The following CADM4 variants were observed in gnomAD, a reference collection of about 807,000 sequenced individuals.
The protein encoded by CADM4 is TSLC1-like 2.
In CADM4, 13 loss-of-function variants were observed where a neutral mutation model predicts 43.9. The ratio of observed to expected loss-of-function variants is 0.30; its 90% confidence interval spans 0.19 to 0.47. The LOEUF is 0.47. Among genes scored for constraint, CADM4 ranks in the 20% least tolerant of loss-of-function variants. The probability of loss-of-function intolerance (pLI) is 1.00; values close to 1 mark genes in which losing one functional copy is unlikely to be tolerated. For missense variants in CADM4, 420 were observed against 527.0 expected, an observed-to-expected ratio of 0.80 and a Z score of 1.99; for synonymous variants, 209 against 220.9, an observed-to-expected ratio of 0.95 and a Z score of 0.48.
intron 1 of CADM4, among the ~76,000 whole-genome samples, chr19:43,631,644 G>C (rs1973627348): frequency 6.6e-6 from 1 of 152,220 alleles, no homozygotes; most frequent in Non-Finnish European, 1.5e-5. Context: ...AATGTTGCGT[G>C]ACAATTTTGG....
At position 43,627,929 on chromosome 19, in the gene CADM4, C is replaced by T. The variant is rs987212141; in HGVS notation, c.65-139G>A. ...ATTCCATTGCACTGAACATTTCCTGCAGGCTAGAGTCCAGGACAGGGAGGA... is the reference window on the plus strand; with the variant it reads ...ATTCCATTGCACTGAACATTTCCTGTAGGCTAGAGTCCAGGACAGGGAGGA... On this transcript the variant is annotated intron_variant, in intron 1 of 8. Coordinates refer to ENST00000222374, the MANE Select transcript of CADM4 (RefSeq NM_145296.2). The surrounding 1 kb of genome is among the most constrained non-coding windows in gnomAD (Gnocchi z 4.0). 8 of 848,686 alleles carry T rather than the reference C, an allele frequency of 9.4e-6. No homozygotes were observed. Among genetic ancestry groups the T allele is most frequent in the African/African-American group, 3.4e-5 (2 of 59,052 alleles). The allele number at this position is 848,686 out of a possible 1,614,324, so 52.6% of individuals were successfully genotyped here. A position where few individuals can be genotyped will look rare whatever the true frequency, so the allele number is the denominator to read the frequency against.
chr19:43,627,365 C>G lies in CADM4; in HGVS notation c.212-47G>C, dbSNP rs756926864. ...GTGTGAATTTCGGGAGTCCTGGCCT[C>G]ACAAGTCCCACCCTTCCGACAGGAG... On this transcript the variant is annotated intron_variant, in intron 2 of 8. Coordinates refer to ENST00000222374, the MANE Select transcript of CADM4 (RefSeq NM_145296.2). The surrounding 1 kb of genome is among the most constrained non-coding windows in gnomAD (Gnocchi z 4.0). The G allele has an allele frequency of 4.3e-5, 66 of 1,522,302 alleles. No homozygotes were observed. The highest frequency in any genetic ancestry group is 2.9e-4 in the Admixed American group (14 of 48,632). The allele number at this position is 1,522,302 out of a possible 1,614,324, so 94.3% of individuals were successfully genotyped here.
intron 1 of CADM4, among the ~76,000 whole-genome samples, chr19:43,630,281 CTTTTTTTT>C (rs59489315): frequency 4.1e-5 from 3 of 73,440 alleles, no homozygotes; most frequent in African/African-American, 1.2e-4. Context: ...TTTTTCTTTT[CTTTTTTTT>C]TTTTTTTTTT....
In CADM4 at chr19:43,626,160, G is replaced by A; in HGVS notation, c.628C>T (p.His210Tyr). 6.2e-7 allele frequency: 1 copy of A among 1,613,968 alleles called. No homozygotes were observed. Among genetic ancestry groups the A allele is most frequent in the Non-Finnish European group, 8.5e-7 (1 of 1,179,978 alleles). ...AGCACGTACTGCGTCTGCTTGCTGTGTCCGGAGGGCAGCGCCTGGTTCTGC... is the reference window on the plus strand; with the variant it reads ...AGCACGTACTGCGTCTGCTTGCTGTATCCGGAGGGCAGCGCCTGGTTCTGC... ...EAQNQALPSG[H>Y]SKQTQYVLDV... Residue 210 changes from histidine to tyrosine, a missense_variant, in exon 5 of 9, where the codon CAC becomes TAC. Physicochemically the swap from His to Tyr is moderately conservative, Grantham distance 83. Coordinates refer to ENST00000222374, the MANE Select transcript of CADM4 (RefSeq NM_145296.2). This position sits in a 1 kb window ranked among gnomAD's most constrained non-coding sequence, Gnocchi z 5.9.
At chr19:43,637,206 G>A (rs1413220976) in intron 1 of CADM4, among the ~76,000 whole-genome samples, 4 of 152,116 alleles carry the variant, frequency 2.6e-5, no homozygotes, top group South Asian at 2.1e-4. Flanking sequence ...GAGAGAACAT[G>A]TTTTTAAAAT....
upstream of CADM4, among the ~76,000 whole-genome samples, chr19:43,641,398 C>T (rs747973009): frequency 7.9e-5 from 12 of 152,202 alleles, no homozygotes; most frequent in Non-Finnish European, 1.5e-5. Flanking sequence ...CCATAGCTAC[C>T]ATCAACCCTT....
In CADM4 at chr19:43,639,849, C is replaced by G. The variant is rs1379258605; in HGVS notation, c.-59G>C. ...CGGCCCGGCACCTGCACCGCCCGCG[C>G]CGCCCGCCCCGCCCCCCGCGCCCCG... is the stretch of plus-strand genomic sequence containing the variant. On this transcript the variant is annotated 5_prime_UTR_variant, in exon 1 of 9. Coordinates refer to ENST00000222374, the MANE Select transcript of CADM4 (RefSeq NM_145296.2). The G allele has an allele frequency of 4.5e-5, 44 of 977,212 alleles. No individual in the cohort carries two copies. The highest frequency in any genetic ancestry group is 5.0e-5 in the Non-Finnish European group (41 of 826,030). The allele number at this position is 977,212 out of a possible 1,614,324, so 60.5% of individuals were successfully genotyped here.
intron 1 of CADM4, among the ~76,000 whole-genome samples, chr19:43,628,269 CAAA>C (rs1196984834): frequency 7.8e-6 from 1 of 127,562 alleles, no homozygotes. Flanking sequence ...ACTAAAAATA[CAAA>C]AAAAAAAAAA....
rs1227610689 is a variant in CADM4 at position 43,623,472 on chromosome 19, G to T, written c.1058-33C>A. 3 of 1,393,066 alleles carry T rather than the reference G, an allele frequency of 2.2e-6. No homozygotes were observed. Among genetic ancestry groups the T allele is most frequent in the Non-Finnish European group, 3.1e-6 (3 of 979,056 alleles). The allele number at this position is 1,393,066 out of a possible 1,614,324, so 86.3% of individuals were successfully genotyped here. A position where few individuals can be genotyped will look rare whatever the true frequency, so the allele number is the denominator to read the frequency against. On this transcript the variant is annotated intron_variant, in intron 8 of 8. Coordinates refer to ENST00000222374, the MANE Select transcript of CADM4 (RefSeq NM_145296.2). This position sits in a 1 kb window ranked among gnomAD's most constrained non-coding sequence, Gnocchi z 4.4. ...GGTGACAGACCCCCGGGGCAGGGGGGACATATTTGTGGATCCAGGAGTTGG... is the reference window on the plus strand; with the variant it reads ...GGTGACAGACCCCCGGGGCAGGGGGTACATATTTGTGGATCCAGGAGTTGG...
Position 43,627,194 on chromosome 19 carries a change from G to A in CADM4, c.336C>T (p.His112=), listed in dbSNP as rs762804877. 1.1e-5 allele frequency: 18 copies of A among 1,606,478 alleles called. No individual in the cohort carries two copies. The highest frequency in any genetic ancestry group is 1.3e-5 in the African/African-American group (1 of 74,686). ...YFCQLYTEDT[H]HQIATLTVLV... ...GTACCGTGAGCGTGGCAATCTGGTG[G>A]TGGGTGTCTTCTGTGTAGAGCTGGC... Residue 112 remains histidine, a synonymous_variant, in exon 3 of 9, where the codon CAC becomes CAT. Coordinates refer to ENST00000222374, the MANE Select transcript of CADM4 (RefSeq NM_145296.2). The surrounding 1 kb of genome is among the most constrained non-coding windows in gnomAD (Gnocchi z 4.0).
In CADM4 at chr19:43,624,218, T is replaced by C; in HGVS notation, c.953A>G (p.Gln318Arg). 1 of 1,614,214 alleles carries C rather than the reference T, an allele frequency of 6.2e-7. No individual in the cohort carries two copies. Among genetic ancestry groups the C allele is most frequent in the Non-Finnish European group, 8.5e-7 (1 of 1,180,042 alleles). Reference protein sequence around the residue: ...VYDPGAVVEAQTSVPYAIVGG... With the variant: ...VYDPGAVVEARTSVPYAIVGG... ...CACAATGGCATAGGGAACCGACGTC[T>C]GAGCCTCTACCACCGCACCAGGGTC... The change falls in exon 8 of 9, where the codon CAG becomes CGG. Residue 318 changes from glutamine (Q) to arginine (R), a missense_variant. Gln to Arg is a conservative substitution (Grantham distance 43). Coordinates refer to ENST00000222374, the MANE Select transcript of CADM4 (RefSeq NM_145296.2).
chr19:43,639,745 C>A lies in CADM4; in HGVS notation c.46G>T (p.Ala16Ser). 1 of 1,022,374 alleles carries A rather than the reference C, an allele frequency of 9.8e-7. No individual in the cohort carries two copies. Among genetic ancestry groups the A allele is most frequent in the Non-Finnish European group, 1.2e-6 (1 of 852,150 alleles). 63.3% of individuals were successfully genotyped at this position (1,022,374 alleles called of 1,614,324 possible). Residue 16 changes from alanine (A) to serine (S), a missense_variant, in exon 1 of 9, where the codon GCG becomes TCG. By Grantham distance (99) the Ala-to-Ser change is moderately conservative. Transcript: ENST00000222374. Reference protein sequence around the residue: ...RFQWPLLLLWAAAAGPGAGQE... With the variant: ...RFQWPLLLLWSAAAGPGAGQE... ...ACCCTACCTGGCCCCGCCGCGGCCG[C>A]CCACAGCAGCAGCAGCGGCCACTGG...
chr19:43,623,383 C>A lies in CADM4; in HGVS notation c.1114G>T (p.Ala372Ser), dbSNP rs1349033903. The A allele has an allele frequency of 1.2e-6, 2 of 1,614,176 alleles. No homozygotes were observed. The highest frequency in any genetic ancestry group is 1.7e-6 in the Non-Finnish European group (2 of 1,180,026). Residue 372 changes from alanine (A) to serine (S), a missense_variant, in exon 9 of 9, where the codon GCC becomes TCC. Physicochemically the swap from Ala to Ser is moderately conservative, Grantham distance 99. Coordinates refer to ENST00000222374, the MANE Select transcript of CADM4 (RefSeq NM_145296.2). This position sits in a 1 kb window ranked among gnomAD's most constrained non-coding sequence, Gnocchi z 4.4. Reference protein sequence around the residue: ...GLDEQGEAREAFLNGSDGHKR... With the variant: ...GLDEQGEARESFLNGSDGHKR... ...TGTCCGTCGCTGCCATTGAGGAAGG[C>A]TTCTCTTGCTTCTCCCTGTTCATCC... is the stretch of plus-strand genomic sequence containing the variant.
chr19:43,632,470 T>C (rs1037695088), intron 1 of CADM4, among the ~76,000 whole-genome samples: 4 of 152,194 alleles, frequency 2.6e-5, no homozygotes, highest in Admixed American at 1.3e-4. Context: ...CTCCGAGGGC[T>C]GCCCGTAACA....
rs1261349109 is a variant in CADM4, at chr19:43,639,715, C to T, written c.64+12G>A. On this transcript the variant is annotated intron_variant, in intron 1 of 8. Transcript: ENST00000222374. ...CCCAGCCCGGCCGGCCGACCCCGGC[C>T]CCCGACCCTACCTGGCCCCGCCGCG... 2 of 997,960 alleles carry T rather than the reference C, an allele frequency of 2.0e-6. No homozygotes were observed. Among genetic ancestry groups the T allele is most frequent in the African/African-American group, 1.8e-5 (1 of 56,788 alleles). The allele number at this position is 997,960 out of a possible 1,614,324, so 61.8% of individuals were successfully genotyped here.
chr19:43,623,460 C>T lies in CADM4; in HGVS notation c.1058-21G>A, dbSNP rs756264495. 3 of 1,503,986 alleles carry T rather than the reference C, an allele frequency of 2.0e-6. No homozygotes were observed. The highest frequency in any genetic ancestry group is 3.3e-5 in the Admixed American group (2 of 59,884). 93.2% of individuals were successfully genotyped at this position (1,503,986 alleles called of 1,614,324 possible). A position where few individuals can be genotyped will look rare whatever the true frequency, so the allele number is the denominator to read the frequency against. On this transcript the variant is annotated intron_variant, in intron 8 of 8. Coordinates refer to ENST00000222374, the MANE Select transcript of CADM4 (RefSeq NM_145296.2). The surrounding 1 kb of genome is among the most constrained non-coding windows in gnomAD (Gnocchi z 4.4). ...GGAACCTGAGGGGGTGACAGACCCC[C>T]GGGGCAGGGGGGACATATTTGTGGA... is the stretch of plus-strand genomic sequence containing the variant.
chr19:43,635,381 C>T (rs1973687106), intron 1 of CADM4, among the ~76,000 whole-genome samples: 1 of 151,950 alleles, frequency 6.6e-6, no homozygotes, highest in Non-Finnish European at 1.5e-5. Context: ...AATTCTTCCC[C>T]AGCTCAGCCT....
Position 43,626,203 on chromosome 19 carries a change from A to C in CADM4, c.585T>G (p.Gly195=). ...RFRVDRKDDG[G]IIICEAQNQA... The stretch of plus-strand genomic sequence containing the variant: ...GGTTCTGCGCCTCACAGATGATGAT[A>C]CCACCGTCGTCCTTACGGTCCACAC... The change falls in exon 5 of 9, where the codon GGT becomes GGG. Residue 195 remains glycine, a synonymous_variant. Coordinates refer to ENST00000222374, the MANE Select transcript of CADM4 (RefSeq NM_145296.2). The surrounding 1 kb of genome is among the most constrained non-coding windows in gnomAD (Gnocchi z 5.9). 6.2e-7 allele frequency: 1 copy of C among 1,613,722 alleles called. No individual in the cohort carries two copies. Among genetic ancestry groups the C allele is most frequent in the African/African-American group, 1.3e-5 (1 of 74,954 alleles).
upstream of CADM4, among the ~76,000 whole-genome samples, chr19:43,641,702 C>T (rs188202059): frequency 1.3e-5 from 2 of 152,360 alleles, no homozygotes; most frequent in African/African-American, 4.8e-5. Context: ...TGAGCAACTT[C>T]CTTCTTTTTC....
Sources: allele counts gnomAD v4.1 joint callset (sites outside exome capture counted in the v4.1 genomes callset), GRCh38; gene constraint gnomAD v4.1.1; non-coding constraint Gnocchi (gnomAD v3.1); transcripts MANE v1.5; gene names NCBI Gene and HGNC (gene_info 2026-07-23, HGNC 2026-07-21).